NUP205: variants seen among roughly 807,000 people sequenced by gnomAD.
NUP205 encodes nucleoporin 205, also known as nuclear pore complex protein Nup205.
In NUP205, 76 loss-of-function variants were observed where a neutral mutation model predicts 253.8. The observed-to-expected ratio is 0.30, with a 90% CI of 0.25 to 0.36. The LOEUF (loss-of-function observed/expected upper bound fraction) is 0.36. NUP205 is among the 10% of genes least tolerant of loss of function. The pLI is 1.00. For missense variants in NUP205, 2,162 were observed against 2,425.5 expected (o/e 0.89, Z 2.28); for synonymous variants, 832 against 850.1 (o/e 0.98, Z 0.37).
At chr7:135,578,360 G>A (rs1160224389) in intron 6 of NUP205, among the ~76,000 whole-genome samples, 1 of 152,168 alleles carries the variant, frequency 6.6e-6, no homozygotes, top group East Asian at 1.9e-4. Context: ...CTGAGACAGT[G>A]ACTGTCATTT....
intron 25 of NUP205, 49 bp downstream of exon 25, chr7:135,616,775 A>T (rs1460650103): frequency 8.9e-5 from 84 of 947,866 alleles, no homozygotes; most frequent in Non-Finnish European, 1.2e-4. Flanking sequence ...ACATATATTA[A>T]AAAAAAAAAA....
chr7:135,617,694 T>A lies in NUP205; in HGVS notation c.3771+12T>A. ...CTCTACTAATGGAGGTAAGCTCTATTGAGTATGTGTTCGTTTCAAACTTCT... is the reference window on the plus strand; with the variant it reads ...CTCTACTAATGGAGGTAAGCTCTATAGAGTATGTGTTCGTTTCAAACTTCT... On this transcript the variant is annotated intron_variant, in intron 27 of 42. Coordinates refer to ENST00000285968, the MANE Select transcript of NUP205 (RefSeq NM_015135.3). The A allele has an allele frequency of 6.4e-7, 1 of 1,555,694 alleles. No individual in the cohort carries two copies. Among genetic ancestry groups the A allele is most frequent in the Non-Finnish European group, 8.9e-7 (1 of 1,128,932 alleles).
Position 135,633,157 on chromosome 7 carries a change from G to T in NUP205, c.5060-2424G>T, listed in dbSNP as rs111871483. On this transcript the variant is annotated intron_variant, in intron 35 of 42. Coordinates refer to ENST00000285968, the MANE Select transcript of NUP205 (RefSeq NM_015135.3). Reference sequence around the variant, plus strand: ...ATTTTTTATTTTTTGTAGAGACAGGGTCTTGCTATGTTGCCCAGGTGTTCT... The same window carrying T: ...ATTTTTTATTTTTTGTAGAGACAGGTTCTTGCTATGTTGCCCAGGTGTTCT... Among the ~76,000 whole-genome samples, 850 of 152,170 alleles carry T rather than the reference G, an allele frequency of 5.6e-3. 14 individuals carry two copies. Among genetic ancestry groups the T allele is most frequent in the East Asian group, 0.051 (265 of 5,156 alleles).
At chr7:135,611,492 CA>C (rs1794236193) in intron 22 of NUP205, among the ~76,000 whole-genome samples, 1 of 152,184 alleles carries the variant, frequency 6.6e-6, no homozygotes, top group Non-Finnish European at 1.5e-5. Context: ...ACATCTGTAG[CA>C]GAGCTTTTTA....
chr7:135,614,408 G>A lies in NUP205; in HGVS notation c.3310+135G>A, dbSNP rs528085993. The A allele has an allele frequency of 1.5e-4, 86 of 569,476 alleles. No homozygotes were observed. In the African/African-American group the frequency reaches 1.5e-3, roughly 10 times the overall value. The allele number at this position is 569,476 out of a possible 1,614,324, so 35.3% of individuals were successfully genotyped here. ...TTCTTTGTTATTTTGGGTTCTTTTT[G>A]TAATTTCTGCTTAAAGAAGGCTGAT... On this transcript the variant is annotated intron_variant, in intron 23 of 42. Coordinates refer to ENST00000285968, the MANE Select transcript of NUP205 (RefSeq NM_015135.3).
chr7:135,562,728 A>T (rs984840219), intron 1 of NUP205, among the ~76,000 whole-genome samples: 1 of 151,472 alleles, frequency 6.6e-6, no homozygotes, highest in Non-Finnish European at 1.5e-5. Flanking sequence ...TTGTATTTTT[A>T]GTAGAGCAGG....
At position 135,635,747 on chromosome 7, in the gene NUP205, C is replaced by T. The variant is rs1032720014; in HGVS notation, c.5136+90C>T. ...CATTGTGCCCCCTAGATTTGGGAAACCCCTTTCAACTGTTTTGGTTCTTTA... is the reference window on the plus strand; with the variant it reads ...CATTGTGCCCCCTAGATTTGGGAAATCCCTTTCAACTGTTTTGGTTCTTTA... On this transcript the variant is annotated intron_variant, in intron 36 of 42. Transcript: ENST00000285968. 4 of 662,734 alleles carry T rather than the reference C, an allele frequency of 6.0e-6. No individual in the cohort carries two copies. The African/African-American group carries it at 7.3e-5, about 12-fold the overall frequency. 41.1% of individuals were successfully genotyped at this position (662,734 alleles called of 1,614,324 possible).
chr7:135,562,431 C>CA (rs1252781982), intron 1 of NUP205, among the ~76,000 whole-genome samples: 2 of 151,806 alleles, frequency 1.3e-5, no homozygotes, highest in African/African-American at 4.8e-5. Flanking sequence ...TTTCTGACCT[C>CA]AAACGATTCA....
intron 7 of NUP205, 68 bp from the exon 8 acceptor site, chr7:135,584,764 T>C (rs995521579): frequency 3.7e-5 from 48 of 1,286,238 alleles, no homozygotes; most frequent in South Asian, 1.5e-4. Flanking sequence ...CAGAGTATTA[T>C]GAGATATAAT....
Position 135,571,411 on chromosome 7 carries a change from T to TAAA in NUP205, c.171+177_171+179dup, listed in dbSNP as rs563193250. Among the ~76,000 whole-genome samples, 21 of 135,558 alleles carry TAAA rather than the reference T, an allele frequency of 1.5e-4. No individual in the cohort carries two copies. In the East Asian group the frequency reaches 3.4e-3, roughly 22 times the overall value. 88.9% of individuals were successfully genotyped at this position (135,558 alleles called of 152,430 possible). A position where few individuals can be genotyped will look rare whatever the true frequency, so the allele number is the denominator to read the frequency against. Reference sequence around the variant, plus strand: ...CTGATGACATGTACCCCTAAACGCTTAAAAAAAAAAAAAAAGACAGGGTCT... The same window carrying TAAA: ...CTGATGACATGTACCCCTAAACGCTTAAAAAAAAAAAAAAAAAAGACAGGGTCT... On this transcript the variant is annotated intron_variant, in intron 2 of 42. Coordinates refer to ENST00000285968, the MANE Select transcript of NUP205 (RefSeq NM_015135.3).
intron 1 of NUP205, among the ~76,000 whole-genome samples, chr7:135,567,178 AT>A (rs1489099871): frequency 9.1e-6 from 1 of 109,970 alleles, no homozygotes; most frequent in East Asian, 2.9e-4. Context: ...ATATATATAT[AT>A]ATGTATATAT....
In NUP205 at chr7:135,645,455, A is replaced by T; in HGVS notation, c.5684-13A>T. On this transcript the variant is annotated splice_polypyrimidine_tract_variant and intron_variant, in intron 40 of 42. Coordinates refer to ENST00000285968, the MANE Select transcript of NUP205 (RefSeq NM_015135.3). ...GATGAGATTATGTTCCTTTAATCTG[A>T]GCTCTGGTATAGTTATCATAGAGAC... 1 of 1,608,578 alleles carries T rather than the reference A, an allele frequency of 6.2e-7. No homozygotes were observed. The highest frequency in any genetic ancestry group is 1.1e-5 in the South Asian group (1 of 90,192).
chr7:135,566,682 G>A (rs1481728969), intron 1 of NUP205, among the ~76,000 whole-genome samples: 2 of 152,028 alleles, frequency 1.3e-5, no homozygotes, highest in Non-Finnish European at 2.9e-5. Flanking sequence ...CTCATAGCCC[G>A]TTGTACTTCA....
chr7:135,558,119 C>T (rs1805481386), intron 1 of NUP205, 147 bp downstream of exon 1: 4 of 716,062 alleles, frequency 5.6e-6, no homozygotes, highest in Non-Finnish European at 1.0e-5. Context: ...AGTCCCACCC[C>T]TCCCCAGTTT....
At chr7:135,560,442 G>T (rs1805553594) in intron 1 of NUP205, among the ~76,000 whole-genome samples, 1 of 152,162 alleles carries the variant, frequency 6.6e-6, no homozygotes, top group South Asian at 2.1e-4. Flanking sequence ...GGCAACATAG[G>T]AAACATTTTT....
chr7:135,634,878 C>T (rs1333880939), intron 35 of NUP205, among the ~76,000 whole-genome samples: 1 of 152,098 alleles, frequency 6.6e-6, no homozygotes, highest in East Asian at 1.9e-4. Flanking sequence ...TGGTTATGTG[C>T]TATGGAGTCT....
intron 7 of NUP205, among the ~76,000 whole-genome samples, chr7:135,579,196 A>ATT (rs199544993): frequency 1.1e-3 from 162 of 141,386 alleles, no homozygotes; most frequent in African/African-American, 3.6e-3. Flanking sequence ...GTGTCACATT[A>ATT]ATTTTTTTTT....
At chr7:135,603,938 G>A (rs542684899) in intron 18 of NUP205, among the ~76,000 whole-genome samples, 5 of 152,196 alleles carry the variant, frequency 3.3e-5, no homozygotes, top group African/African-American at 4.8e-5. Flanking sequence ...TTGATGTTCC[G>A]TGGCATATAG....
At chr7:135,594,482 G>A (rs1317934802) in intron 12 of NUP205, 65 bp from the exon 13 acceptor site, 1 of 1,254,946 alleles carries the variant, frequency 8.0e-7, no homozygotes, top group Non-Finnish European at 1.1e-6. Flanking sequence ...CAATTTAGAT[G>A]ATTGCTGGTC....
Sources: gnomAD v4.1 joint callset for allele counts (sites outside exome capture counted in the v4.1 genomes callset) on GRCh38, gnomAD v4.1.1 for gene constraint, MANE v1.5 for transcripts, NCBI Gene and HGNC (gene_info 2026-07-23, HGNC 2026-07-21) for gene names.